The following MARCHF10 variants were observed in gnomAD, a reference collection of about 807,000 sequenced individuals.
MARCHF10 encodes the protein membrane associated ring-CH-type finger 10.
Under a neutral mutation model 76.2 loss-of-function variants are expected in MARCHF10, and 64 were observed. The observed-to-expected ratio is 0.84, with a 90% CI of 0.69 to 1.03. The LOEUF (loss-of-function observed/expected upper bound fraction) is 1.03. Among genes scored for constraint, MARCHF10 ranks in the 50% least tolerant of loss-of-function variants. The probability of loss-of-function intolerance (pLI) is 0.00; values close to 1 mark genes in which losing one functional copy is unlikely to be tolerated. For missense variants in MARCHF10, 875 were observed against 958.0 expected (o/e 0.91, Z 1.14); for synonymous variants, 340 against 357.5 (o/e 0.95, Z 0.55).
At chr17:62,740,944 A>T (rs2091482284) in intron 5 of MARCHF10, among the ~76,000 whole-genome samples, 1 of 152,158 alleles carries the variant, frequency 6.6e-6, no homozygotes, top group Non-Finnish European at 1.5e-5. Flanking sequence ...CAGTATTTGA[A>T]CAATGAATTT....
intron 9 of MARCHF10, among the ~76,000 whole-genome samples, chr17:62,708,490 T>C (rs2089729691): frequency 6.6e-6 from 1 of 152,138 alleles, no homozygotes; most frequent in Non-Finnish European, 1.5e-5. Context: ...GTGATCCACC[T>C]GTCTCGGCCT....
At chr17:62,795,548 T>C (rs1259344488) in intron 2 of MARCHF10, among the ~76,000 whole-genome samples, 1 of 151,972 alleles carries the variant, frequency 6.6e-6, no homozygotes, top group Non-Finnish European at 1.5e-5. Flanking sequence ...CTGAAAGGAG[T>C]AGTATCAAAA....
At chr17:62,730,435 T>A (rs2090975164) in intron 6 of MARCHF10, among the ~76,000 whole-genome samples, 1 of 152,248 alleles carries the variant, frequency 6.6e-6, no homozygotes, top group South Asian at 2.1e-4. Context: ...TACATCAAAA[T>A]ATATTCCATA....
rs761485445 is a variant in MARCHF10, at chr17:62,744,379, C to T, written c.532G>A (p.Ala178Thr). 1.6e-5 allele frequency: 26 copies of T among 1,613,384 alleles called. No individual in the cohort carries two copies. In the African/African-American group the frequency reaches 2.0e-4, roughly 12 times the overall value. The change falls in exon 5 of 11, where the codon GCA becomes ACA. Residue 178 changes from alanine (A) to threonine (T), a missense_variant. Physicochemically the swap from Ala to Thr is moderately conservative, Grantham distance 58 (BLOSUM62 0). Coordinates refer to ENST00000311269, the MANE Select transcript of MARCHF10 (RefSeq NM_152598.4). ...WPAKVPVPRG[A>T]DQVVQQEGLM... The stretch of plus-strand genomic sequence containing the variant: ...TTCGGGAGCCCCGGGTCCTTACCTG[C>T]TCCCCTGGGAACCGGCACCTTTGCA...
chr17:62,723,679 G>A (rs1246442376), intron 7 of MARCHF10, among the ~76,000 whole-genome samples: 1 of 150,646 alleles, frequency 6.6e-6, no homozygotes. Flanking sequence ...TATGAGCATA[G>A]CAGCATTTTC....
intron 2 of MARCHF10, among the ~76,000 whole-genome samples, chr17:62,792,200 G>T (rs2092856559): frequency 6.6e-6 from 1 of 151,976 alleles, no homozygotes; most frequent in Non-Finnish European, 1.5e-5. Flanking sequence ...AGGTACCACT[G>T]TGGGGGCAAA....
At chr17:62,716,682 TAAAC>T (rs1242158235) in intron 8 of MARCHF10, among the ~76,000 whole-genome samples, 2 of 143,500 alleles carry the variant, frequency 1.4e-5, no homozygotes, top group Admixed American at 1.4e-4. Context: ...TTTTTGTAAT[TAAAC>T]AAAAGCAAAA....
intron 6 of MARCHF10, among the ~76,000 whole-genome samples, chr17:62,732,715 G>A (rs997360006): frequency 6.6e-6 from 1 of 152,192 alleles, no homozygotes; most frequent in Non-Finnish European, 1.5e-5. Context: ...AGATGGGGCC[G>A]GGCACGGTGG....
At chr17:62,733,604 G>T (rs965546045) in intron 6 of MARCHF10, among the ~76,000 whole-genome samples, 4 of 152,160 alleles carry the variant, frequency 2.6e-5, no homozygotes, top group Admixed American at 2.0e-4. Flanking sequence ...AGATCCCAGA[G>T]AACTCTTCCA....
intron 3 of MARCHF10, among the ~76,000 whole-genome samples, chr17:62,778,254 G>C (rs748314489): frequency 3.9e-5 from 6 of 152,124 alleles, no homozygotes; most frequent in Non-Finnish European, 7.4e-5. Flanking sequence ...GAGCTCGGGA[G>C]GTAGGCAGGG....
intron 6 of MARCHF10, among the ~76,000 whole-genome samples, chr17:62,726,808 T>TA (rs2090777744): frequency 6.6e-6 from 1 of 152,154 alleles, no homozygotes; most frequent in Non-Finnish European, 1.5e-5. Flanking sequence ...TTTGTATTTT[T>TA]AGTAGAGATA....
intron 8 of MARCHF10, among the ~76,000 whole-genome samples, chr17:62,719,799 T>C (rs113959629): frequency 2.6e-5 from 4 of 152,300 alleles, no homozygotes; most frequent in African/African-American, 9.6e-5. Context: ...CCATGATGTG[T>C]CTATTACACC....
chr17:62,703,587 T>C (rs2089379364), intron 10 of MARCHF10, among the ~76,000 whole-genome samples: 1 of 152,180 alleles, frequency 6.6e-6, no homozygotes, highest in Admixed American at 6.5e-5. Flanking sequence ...CAGGTGGAGA[T>C]GGCCTGGGCC....
At chr17:62,801,909 G>A (rs1382370826) in intron 1 of MARCHF10, among the ~76,000 whole-genome samples, 157 bp from the exon 2 acceptor site, 1 of 152,162 alleles carries the variant, frequency 6.6e-6, no homozygotes, top group African/African-American at 2.4e-5. Flanking sequence ...GGGACTTCTT[G>A]TGTTGCTGTT....
At chr17:62,786,927 GCTA>G (rs1232875095) in intron 3 of MARCHF10, among the ~76,000 whole-genome samples, 3 of 152,188 alleles carry the variant, frequency 2.0e-5, no homozygotes, top group Non-Finnish European at 4.4e-5. Context: ...ACTGCTACAT[GCTA>G]CTGTTTGACT....
At chr17:62,775,389 G>A (rs1323294925) in intron 3 of MARCHF10, among the ~76,000 whole-genome samples, 1 of 151,980 alleles carries the variant, frequency 6.6e-6, no homozygotes, top group Non-Finnish European at 1.5e-5. Flanking sequence ...GCCTCCCAAA[G>A]TGCTGGGATT....
At chr17:62,778,403 G>A (rs1454408549) in intron 3 of MARCHF10, among the ~76,000 whole-genome samples, 1 of 152,116 alleles carries the variant, frequency 6.6e-6, no homozygotes, top group South Asian at 2.1e-4. Flanking sequence ...CTCTCTTATA[G>A]CAGCCTGGAA....
intron 7 of MARCHF10, among the ~76,000 whole-genome samples, 188 bp downstream of exon 7, chr17:62,724,750 A>AC (rs1237538531): frequency 1.3e-5 from 2 of 151,620 alleles, no homozygotes; most frequent in East Asian, 1.9e-4. Context: ...CAAACAAAAA[A>AC]CCCCCAACTC....
At chr17:62,708,321 C>T (rs58436564) in intron 9 of MARCHF10, among the ~76,000 whole-genome samples, 12 of 151,736 alleles carry the variant, frequency 7.9e-5, no homozygotes, top group African/African-American at 2.7e-4. Flanking sequence ...TCTCGGCTCA[C>T]TGCAAGCTCT....
Sources: allele counts gnomAD v4.1 joint callset (sites outside exome capture counted in the v4.1 genomes callset), GRCh38; gene constraint gnomAD v4.1.1; transcripts MANE v1.5; gene names NCBI Gene and HGNC (gene_info 2026-07-23, HGNC 2026-07-21).